The following PPP4R3B variants were observed in gnomAD, a reference collection of about 807,000 sequenced individuals.
PPP4R3B encodes the protein protein phosphatase 4 regulatory subunit 3B, also known as serine/threonine-protein phosphatase 4 regulatory subunit 3B.
A neutral mutation model predicts 95.4 loss-of-function variants in PPP4R3B; 52 were observed. That is an observed-to-expected ratio of 0.54 (90% confidence interval 0.44 to 0.69). PPP4R3B has a LOEUF of 0.69. Among genes scored for constraint, PPP4R3B ranks in the 30% least tolerant of loss-of-function variants. The probability of loss-of-function intolerance (pLI) is 0.00; values close to 1 mark genes in which losing one functional copy is unlikely to be tolerated. For synonymous variants in PPP4R3B, 407 were observed against 343.9 expected, an observed-to-expected ratio of 1.18 and a Z score of -2.03; for missense variants, 1,003 against 1,005.9, an observed-to-expected ratio of 1.00 and a Z score of 0.04.
intron 13 of PPP4R3B, among the ~76,000 whole-genome samples, chr2:55,566,057 G>A (rs1687256815): frequency 6.6e-6 from 1 of 151,944 alleles, no homozygotes. Flanking sequence ...GCAAATGCAT[G>A]CATGCCCAGT....
At chr2:55,605,288 C>A (rs1693226378) in intron 2 of PPP4R3B, among the ~76,000 whole-genome samples, 1 of 152,094 alleles carries the variant, frequency 6.6e-6, no homozygotes, top group Non-Finnish European at 1.5e-5. Flanking sequence ...ATATAATCTA[C>A]AAAACACCTT....
At chr2:55,566,240 G>A (rs1177939581) in intron 13 of PPP4R3B, among the ~76,000 whole-genome samples, 1 of 151,868 alleles carries the variant, frequency 6.6e-6, no homozygotes, top group East Asian at 1.9e-4. Context: ...AAAAAAATAC[G>A]CAAATCAGAA....
chr2:55,558,784 T>C lies in PPP4R3B; in HGVS notation c.2445A>G (p.Thr815=), dbSNP rs771989085. The C allele has an allele frequency of 1.2e-6, 2 of 1,606,380 alleles. No homozygotes were observed. Among genetic ancestry groups the C allele is most frequent in the Admixed American group, 3.4e-5 (2 of 59,592 alleles). The part of the protein sequence containing the change: ...SKTTNLPTSV[T]ATKGSLVGLV... The stretch of plus-strand genomic sequence containing the variant: ...ATGCTGTTTCACCTACCTTGGTGGC[T>C]GTTACTGACGTAGGCAAGTTTGTGG... Residue 815 remains threonine, a synonymous_variant, in exon 16 of 17, where the codon ACA becomes ACG. Transcript: ENST00000616407.
Position 55,558,911 on chromosome 2 carries a change from T to G in PPP4R3B, c.2318A>C (p.Lys773Thr). 6.2e-7 allele frequency: 1 copy of G among 1,614,022 alleles called. No individual in the cohort carries two copies. The stretch of plus-strand genomic sequence containing the variant: ...ACTGGCAGAGTGGGAGAAAGTAAAT[T>G]TGAAGCCACCAGGAGATGTCCTTTT... ...LPKRTSPGGF[K>T]FTFSHSASAA... The change falls in exon 16 of 17, where the codon AAA becomes ACA. Residue 773 changes from lysine to threonine, a missense_variant. Physicochemically the swap from Lys to Thr is moderately conservative, Grantham distance 78 (BLOSUM62 -1). Transcript: ENST00000616407.
At chr2:55,550,105 T>C in intron 16 of PPP4R3B, 99 bp from the exon 17 acceptor site, 1 of 778,656 alleles carries the variant, frequency 1.3e-6, no homozygotes. Context: ...AAATCGTTTT[T>C]CTAAATCATA....
chr2:55,564,543 T>C (rs1687043157), intron 14 of PPP4R3B, 46 bp from the exon 15 acceptor site: 1 of 1,501,014 alleles, frequency 6.7e-7, no homozygotes, highest in African/African-American at 1.4e-5. Context: ...TTAAAGTTCA[T>C]CATCAGATTG....
chr2:55,548,528 C>T lies in PPP4R3B; in HGVS notation c.*1383G>A, dbSNP rs1194094820. The T allele has an allele frequency of 6.6e-6, 1 of 152,598 alleles. No homozygotes were observed. The highest frequency in any genetic ancestry group is 1.5e-5 in the Non-Finnish European group (1 of 68,032). The allele number at this position is 152,598 out of a possible 1,614,324, so 9.5% of individuals were successfully genotyped here. ...TGGAAAAAACTATACTTCATATCTA[C>T]ACAGACAGCTCATCTTTTCCAAACA... On this transcript the variant is annotated 3_prime_UTR_variant, in exon 17 of 17. Transcript: ENST00000616407.
At chr2:55,569,787 T>C (rs1291042151) in intron 12 of PPP4R3B, among the ~76,000 whole-genome samples, 1 of 152,132 alleles carries the variant, frequency 6.6e-6, no homozygotes, top group Non-Finnish European at 1.5e-5. Context: ...CGGGCCCAGC[T>C]GTCTTTTCTT....
At chr2:55,552,142 T>C (rs551313292) in intron 16 of PPP4R3B, among the ~76,000 whole-genome samples, 1 of 152,310 alleles carries the variant, frequency 6.6e-6, no homozygotes, top group African/African-American at 2.4e-5. Flanking sequence ...CTAACATACA[T>C]TTAAAACATG....
rs1036501145 is a variant in PPP4R3B at position 55,584,924 on chromosome 2, C to T, written c.1233+127G>A. The T allele has an allele frequency of 1.2e-5, 9 of 769,178 alleles. No homozygotes were observed. In the African/African-American group the frequency reaches 1.7e-4, roughly 14 times the overall value. The allele number at this position is 769,178 out of a possible 1,614,324, so 47.6% of individuals were successfully genotyped here. On this transcript the variant is annotated intron_variant, in intron 7 of 16. Coordinates refer to ENST00000616407, the MANE Select transcript of PPP4R3B (RefSeq NM_001122964.3). ...TATTCTAATTTGGCCAAAGTCACAACAAGTCAGAAATCTATTATTTTGCTC... is the reference window on the plus strand; with the variant it reads ...TATTCTAATTTGGCCAAAGTCACAATAAGTCAGAAATCTATTATTTTGCTC...
chr2:55,574,519 C>T (rs879617327), intron 11 of PPP4R3B, among the ~76,000 whole-genome samples: 1 of 151,648 alleles, frequency 6.6e-6, no homozygotes, highest in Non-Finnish European at 1.5e-5. Flanking sequence ...AAAAATTATA[C>T]GCTTTTAGAA....
chr2:55,576,593 T>A (rs1688703112), intron 11 of PPP4R3B, among the ~76,000 whole-genome samples: 1 of 150,182 alleles, frequency 6.7e-6, no homozygotes, highest in Non-Finnish European at 1.5e-5. Flanking sequence ...ATACAAAAAA[T>A]CGGGAGGCTG....
chr2:55,585,015 A>G lies in PPP4R3B; in HGVS notation c.1233+36T>C, dbSNP rs760812362. On this transcript the variant is annotated intron_variant, in intron 7 of 16. Transcript: ENST00000616407. ...AGTTTGCAAACACTACTCACTCTAC[A>G]GGTAATTCACATAGAACCACAGCAT... 3 of 1,427,504 alleles carry G rather than the reference A, an allele frequency of 2.1e-6. No individual in the cohort carries two copies. In the African/African-American group the frequency reaches 4.2e-5, roughly 20 times the overall value. 88.4% of individuals were successfully genotyped at this position (1,427,504 alleles called of 1,614,324 possible). A position where few individuals can be genotyped will look rare whatever the true frequency, so the allele number is the denominator to read the frequency against.
At chr2:55,608,772 G>A (rs147433247) in intron 2 of PPP4R3B, among the ~76,000 whole-genome samples, 18 of 152,228 alleles carry the variant, frequency 1.2e-4, no homozygotes, top group South Asian at 4.1e-4. Flanking sequence ...ATTGTTAAGC[G>A]CAGGAGTTTG....
intron 15 of PPP4R3B, among the ~76,000 whole-genome samples, chr2:55,562,595 T>G (rs1382774894): frequency 2.6e-5 from 4 of 152,222 alleles, no homozygotes; most frequent in Non-Finnish European, 5.9e-5. Flanking sequence ...TGTGAGTTAA[T>G]CAAACCTCTT....
intron 16 of PPP4R3B, among the ~76,000 whole-genome samples, chr2:55,556,788 G>T (rs1323478303): frequency 6.6e-6 from 1 of 152,134 alleles, no homozygotes; most frequent in Non-Finnish European, 1.5e-5. Flanking sequence ...AAAGTCGGCC[G>T]GGCATGGTGG....
At chr2:55,568,458 T>C in intron 12 of PPP4R3B, 95 bp from the exon 13 acceptor site, 1 of 977,452 alleles carries the variant, frequency 1.0e-6, no homozygotes, top group Non-Finnish European at 1.4e-6. Flanking sequence ...TATATGCTCT[T>C]CTAAAATGAA....
intron 3 of PPP4R3B, among the ~76,000 whole-genome samples, chr2:55,603,493 A>C (rs1260612107): frequency 6.6e-6 from 1 of 152,168 alleles, no homozygotes; most frequent in Non-Finnish European, 1.5e-5. Flanking sequence ...CCTAAAACAA[A>C]AGGTTTCTTT....
chr2:55,612,882 C>T (rs1694368505), intron 2 of PPP4R3B, among the ~76,000 whole-genome samples: 2 of 151,446 alleles, frequency 1.3e-5, no homozygotes, highest in African/African-American at 4.8e-5. Context: ...GGAGGCGAAG[C>T]TTGCAGTGAG....
Sources: allele counts gnomAD v4.1 joint callset (sites outside exome capture counted in the v4.1 genomes callset), GRCh38; gene constraint gnomAD v4.1.1; transcripts MANE v1.5; gene names NCBI Gene and HGNC (gene_info 2026-07-23, HGNC 2026-07-21).